PTPRZ1: variants seen among roughly 807,000 people sequenced by gnomAD.
PTPRZ1 encodes protein tyrosine phosphatase receptor type Z1.
PTPRZ1 carries 82 observed loss-of-function variants against 214.1 expected under a neutral mutation model. That is an observed-to-expected ratio of 0.38 (90% CI 0.32 to 0.46). The LOEUF (loss-of-function observed/expected upper bound fraction) is 0.46. PTPRZ1 is among the 20% of genes least tolerant of loss of function. The probability of loss-of-function intolerance (pLI) is 1.00; values close to 1 mark genes in which losing one functional copy is unlikely to be tolerated. For missense variants in PTPRZ1, 2,603 were observed against 2,748.7 expected, an observed-to-expected ratio of 0.95 and a Z score of 1.19; for synonymous variants, 945 against 987.9, an observed-to-expected ratio of 0.96 and a Z score of 0.81.
chr7:121,998,540 C>G (rs1798215149), intron 10 of PTPRZ1, among the ~76,000 whole-genome samples: 2 of 151,912 alleles, frequency 1.3e-5, no homozygotes, highest in Non-Finnish European at 2.9e-5. Context: ...TTACTCTTCC[C>G]AAAAATAAGA....
chr7:122,054,124 A>ATTCAGTTCTTATCTAT, intron 26 of PTPRZ1, 86 bp downstream of exon 26: 1 of 1,463,314 alleles, frequency 6.8e-7, no homozygotes, highest in Non-Finnish European at 9.3e-7. Flanking sequence ...ACAAACAAGC[A>ATTCAGTTCTTATCTAT]AAGTAATTTT....
intron 28 of PTPRZ1, chr7:122,059,251 A>AT (rs1792483375): frequency 5.3e-6 from 1 of 188,858 alleles, no homozygotes; most frequent in Admixed American, 6.1e-5. Flanking sequence ...CCAGAGAGGC[A>AT]TTTTCAGTCA....
intron 2 of PTPRZ1, among the ~76,000 whole-genome samples, chr7:121,953,663 C>G (rs1001031695): frequency 6.6e-6 from 1 of 152,222 alleles, no homozygotes; most frequent in Non-Finnish European, 1.5e-5. Flanking sequence ...AGTGGTGCCT[C>G]TCTGGCCACA....
At chr7:121,901,245 C>A (rs767737484) in intron 1 of PTPRZ1, among the ~76,000 whole-genome samples, 2 of 152,056 alleles carry the variant, frequency 1.3e-5, no homozygotes, top group African/African-American at 4.8e-5. Flanking sequence ...ATTTCATTTT[C>A]GTCTTCACAA....
At chr7:122,014,378 ATTAG>A (rs1053256075) in intron 12 of PTPRZ1, among the ~76,000 whole-genome samples, 2 of 152,098 alleles carry the variant, frequency 1.3e-5, no homozygotes, top group African/African-American at 4.8e-5. Flanking sequence ...GTAGAAAGGA[ATTAG>A]TTAATTTCCA....
chr7:121,922,734 A>G (rs1795637195), intron 1 of PTPRZ1, among the ~76,000 whole-genome samples: 1 of 152,076 alleles, frequency 6.6e-6, no homozygotes, highest in South Asian at 2.1e-4. Flanking sequence ...TCTTGCTTCA[A>G]ATTCTTTGGT....
chr7:121,922,111 A>C (rs746265283), intron 1 of PTPRZ1, among the ~76,000 whole-genome samples: 10 of 152,220 alleles, frequency 6.6e-5, no homozygotes, highest in Non-Finnish European at 1.2e-4. Flanking sequence ...TTACTTGGAA[A>C]GTTTGTCTTA....
chr7:121,912,043 T>C (rs1795293870), intron 1 of PTPRZ1, among the ~76,000 whole-genome samples: 1 of 152,154 alleles, frequency 6.6e-6, no homozygotes, highest in African/African-American at 2.4e-5. Context: ...CATTTTCCAG[T>C]GTATGAAACT....
intron 2 of PTPRZ1, among the ~76,000 whole-genome samples, chr7:121,942,519 G>A (rs1330769736): frequency 3.3e-5 from 5 of 152,156 alleles, no homozygotes; most frequent in South Asian, 2.1e-4. Flanking sequence ...GCTTCAAAAC[G>A]TACATGTTTA....
intron 23 of PTPRZ1, among the ~76,000 whole-genome samples, chr7:122,050,033 CA>C (rs1366559824): frequency 2.0e-5 from 3 of 151,808 alleles, no homozygotes; most frequent in Non-Finnish European, 2.9e-5. Flanking sequence ...ATTTTCATGT[CA>C]AAAAAAGTAA....
rs1796429463 is a variant in PTPRZ1 at position 121,947,766 on chromosome 7, A to C, written c.124+19545A>C. On this transcript the variant is annotated intron_variant, in intron 2 of 29. Transcript: ENST00000393386. ...GCCTCTATTTGAAGATTTTTTTTTT[A>C]TGAGGCCAAATCCAGACTAAATTAA... 2.6e-5 allele frequency among the ~76,000 whole-genome samples: 4 copies of C among 151,590 alleles called. No individual in the cohort carries two copies. In the South Asian group the frequency reaches 8.3e-4, roughly 31 times the overall value.
intron 2 of PTPRZ1, chr7:121,967,015 T>A (rs910760086): frequency 2.6e-5 from 4 of 152,164 alleles, no homozygotes; most frequent in Non-Finnish European, 1.5e-5. Flanking sequence ...AACCAGAGAC[T>A]TGGACTCTCA....
chr7:121,893,527 C>G (rs1469948140), intron 1 of PTPRZ1, among the ~76,000 whole-genome samples: 1 of 152,168 alleles, frequency 6.6e-6, no homozygotes, highest in Non-Finnish European at 1.5e-5. Context: ...TTTACAGATA[C>G]AATGCAGAAA....
At chr7:121,915,077 C>A (rs1296809274) in intron 1 of PTPRZ1, among the ~76,000 whole-genome samples, 1 of 152,104 alleles carries the variant, frequency 6.6e-6, no homozygotes, top group Non-Finnish European at 1.5e-5. Context: ...CACTAGAGCA[C>A]CGCCGTATAC....
chr7:121,996,478 T>C lies in PTPRZ1; in HGVS notation c.1025T>C (p.Met342Thr), dbSNP rs370195659. ...WERPRVVYDTMIEKFAVLYQQ... is the reference protein window; with the variant it reads ...WERPRVVYDTTIEKFAVLYQQ... ...AGACCTCGAGTCGTTTATGATACCA[T>C]GATTGAGAAGTTTGCAGTTTTGTAC... The change falls in exon 9 of 30, where the codon ATG becomes ACG. Residue 342 changes from methionine (M) to threonine (T), a missense_variant. By Grantham distance (81) the Met-to-Thr change is moderately conservative. This residue lies in a region of PTPRZ1 where 244 missense variants were observed against 333.2 expected (regional missense o/e 0.73). Coordinates refer to ENST00000393386, the MANE Select transcript of PTPRZ1 (RefSeq NM_002851.3). 6.1e-6 allele frequency: 9 copies of C among 1,475,682 alleles called. No individual in the cohort carries two copies. Among genetic ancestry groups the C allele is most frequent in the African/African-American group, 4.2e-5 (3 of 70,792 alleles). 91.4% of individuals were successfully genotyped at this position (1,475,682 alleles called of 1,614,324 possible).
intron 13 of PTPRZ1, among the ~76,000 whole-genome samples, chr7:122,020,666 T>A (rs2116688636): frequency 6.6e-6 from 1 of 152,312 alleles, no homozygotes; most frequent in South Asian, 2.1e-4. Flanking sequence ...GTATTTCATA[T>A]CTGACTTCCT....
intron 2 of PTPRZ1, among the ~76,000 whole-genome samples, chr7:121,960,999 A>G (rs1349412441): frequency 6.6e-6 from 1 of 152,192 alleles, no homozygotes; most frequent in Non-Finnish European, 1.5e-5. Flanking sequence ...CCAGGCTCTA[A>G]GAAAGGTACT....
chr7:122,019,814 G>T (rs971306099), intron 13 of PTPRZ1, among the ~76,000 whole-genome samples: 1 of 152,106 alleles, frequency 6.6e-6, no homozygotes, highest in African/African-American at 2.4e-5. Context: ...TTGCTTTGGG[G>T]ATGAAATATA....
intron 1 of PTPRZ1, among the ~76,000 whole-genome samples, chr7:121,923,175 G>T (rs1195552917): frequency 6.6e-6 from 1 of 152,116 alleles, no homozygotes. Flanking sequence ...GGAACATTCA[G>T]TCCCTTTTCT....
Sources: allele counts gnomAD v4.1 joint callset (sites outside exome capture counted in the v4.1 genomes callset), GRCh38; gene constraint gnomAD v4.1.1; regional missense constraint gnomAD v4.1.1; transcripts MANE v1.5; gene names NCBI Gene and HGNC (gene_info 2026-07-23, HGNC 2026-07-21).